Variants in SSBP2 observed in about 807,000 individuals in gnomAD.
SSBP2 encodes the protein single-stranded DNA-binding protein 2.
In SSBP2, 17 loss-of-function variants were observed where a neutral mutation model predicts 61.8. That is an observed-to-expected ratio of 0.28 (90% CI 0.19 to 0.41). The LOEUF (loss-of-function observed/expected upper bound fraction) is 0.41, where lower values mean the gene tolerates loss of function less well. SSBP2 is among the 10% of genes least tolerant of loss of function. The pLI is 1.00. For synonymous variants in SSBP2, 139 were observed against 141.3 expected (o/e 0.98, Z 0.12); for missense variants, 310 against 458.7 (o/e 0.68, Z 2.96).
chr5:81,552,197 T>G (rs1469952257), intron 4 of SSBP2, among the ~76,000 whole-genome samples: 3 of 152,224 alleles, frequency 2.0e-5, no homozygotes, highest in Admixed American at 2.0e-4. Flanking sequence ...CCTAAAAGTA[T>G]GTTTAATGCT....
chr5:81,594,490 A>G (rs2153531370), intron 4 of SSBP2, among the ~76,000 whole-genome samples: 1 of 152,296 alleles, frequency 6.6e-6, no homozygotes, highest in African/African-American at 2.4e-5. Flanking sequence ...CACCAAGCGG[A>G]CCTAACAGAC....
intron 4 of SSBP2, among the ~76,000 whole-genome samples, chr5:81,529,905 T>C (rs935716239): frequency 6.6e-6 from 1 of 152,028 alleles, no homozygotes; most frequent in Admixed American, 6.6e-5. Flanking sequence ...AATAACATGA[T>C]GATAGTGATA....
At chr5:81,606,292 T>A (rs927672996) in intron 4 of SSBP2, among the ~76,000 whole-genome samples, 3 of 152,130 alleles carry the variant, frequency 2.0e-5, no homozygotes, top group Non-Finnish European at 4.4e-5. Context: ...TGATGAAAAC[T>A]ACGCAGTAAA....
rs571144831 is a variant in SSBP2 at position 81,590,728 on chromosome 5, T to G, written c.282+24745A>C. 1.2e-4 allele frequency among the ~76,000 whole-genome samples: 19 copies of G among 152,314 alleles called. 1 individual carries two copies. In the South Asian group the frequency reaches 3.9e-3, roughly 32 times the overall value. ...CTTTGAGAAAAGTACAAAGCTCTGTTGGGTCCCCTCTCCCCTGAGAAGCAA... is the reference window on the plus strand; with the variant it reads ...CTTTGAGAAAAGTACAAAGCTCTGTGGGGTCCCCTCTCCCCTGAGAAGCAA... On this transcript the variant is annotated intron_variant, in intron 4 of 16. Coordinates refer to ENST00000320672, the MANE Select transcript of SSBP2 (RefSeq NM_012446.5).
At chr5:81,693,047 A>G (rs1753326494) in intron 1 of SSBP2, among the ~76,000 whole-genome samples, 2 of 151,972 alleles carry the variant, frequency 1.3e-5, no homozygotes, top group Non-Finnish European at 2.9e-5. Flanking sequence ...CTACTAAAAT[A>G]CAAAAAAATT....
At chr5:81,592,374 C>T (rs1775589773) in intron 4 of SSBP2, among the ~76,000 whole-genome samples, 1 of 152,200 alleles carries the variant, frequency 6.6e-6, no homozygotes, top group Non-Finnish European at 1.5e-5. Context: ...CACCACAGCT[C>T]AAGGAGGCCT....
chr5:81,581,518 T>C (rs1202356894), intron 4 of SSBP2, among the ~76,000 whole-genome samples: 2 of 152,228 alleles, frequency 1.3e-5, no homozygotes, highest in African/African-American at 4.8e-5. Flanking sequence ...TTTCAACCTT[T>C]TAAAAACAGT....
At chr5:81,615,046 G>A (rs2153603045) in intron 4 of SSBP2, 1 of 155,778 alleles carries the variant, frequency 6.4e-6, no homozygotes, top group African/African-American at 2.4e-5. Context: ...TTAGCCTTAT[G>A]ATATATAACC....
intron 16 of SSBP2, among the ~76,000 whole-genome samples, chr5:81,423,884 T>G (rs955614026): frequency 1.3e-5 from 2 of 152,254 alleles, no homozygotes; most frequent in Non-Finnish European, 2.9e-5. Flanking sequence ...GCATATACTC[T>G]ATTATCAACC....
intron 4 of SSBP2, among the ~76,000 whole-genome samples, chr5:81,527,876 G>A (rs145372238): frequency 1.8e-4 from 26 of 147,196 alleles, no homozygotes; most frequent in African/African-American, 4.1e-4. Context: ...CGCGTTCTAC[G>A]TATGTATCCC....
chr5:81,497,070 T>G (rs1337321189), intron 5 of SSBP2, among the ~76,000 whole-genome samples: 1 of 152,238 alleles, frequency 6.6e-6, no homozygotes, highest in East Asian at 1.9e-4. Context: ...AATTAGCATG[T>G]GCTCTTGATT....
At chr5:81,495,824 A>G (rs1166825136) in intron 5 of SSBP2, among the ~76,000 whole-genome samples, 1 of 152,152 alleles carries the variant, frequency 6.6e-6, no homozygotes, top group East Asian at 1.9e-4. Context: ...TGGCTTTAAA[A>G]GTTCTTTAAA....
chr5:81,431,468 T>TAC (rs899591190), intron 15 of SSBP2, among the ~76,000 whole-genome samples: 23 of 152,038 alleles, frequency 1.5e-4, no homozygotes, highest in Admixed American at 5.2e-4. Flanking sequence ...CATATATATA[T>TAC]ACACACACAC....
At chr5:81,716,775 T>C (rs1403918130) in intron 1 of SSBP2, among the ~76,000 whole-genome samples, 1 of 152,194 alleles carries the variant, frequency 6.6e-6, no homozygotes, top group Non-Finnish European at 1.5e-5. Flanking sequence ...AATGCCTTAT[T>C]GTAAGTACAC....
At chr5:81,554,484 G>C (rs1037153887) in intron 4 of SSBP2, among the ~76,000 whole-genome samples, 22 of 150,146 alleles carry the variant, frequency 1.5e-4, no homozygotes, top group Admixed American at 6.6e-5. Context: ...TAACACAAAG[G>C]CTCAAATTTT....
At chr5:81,734,970 C>CAAAAAA (rs11350574) in intron 1 of SSBP2, among the ~76,000 whole-genome samples, 15 of 70,488 alleles carry the variant, frequency 2.1e-4, no homozygotes, top group South Asian at 5.1e-4. Flanking sequence ...GACTCCATCT[C>CAAAAAA]AAAAAAAAAA....
At chr5:81,486,712 C>T (rs1348615479) in intron 6 of SSBP2, among the ~76,000 whole-genome samples, 2 of 152,084 alleles carry the variant, frequency 1.3e-5, no homozygotes, top group African/African-American at 2.4e-5. Flanking sequence ...ATAAAATTCC[C>T]GTATGTTGTA....
chr5:81,622,839 A>G (rs1746738766), intron 3 of SSBP2, among the ~76,000 whole-genome samples: 1 of 152,232 alleles, frequency 6.6e-6, no homozygotes, highest in South Asian at 2.1e-4. Flanking sequence ...AGTTAAGTTC[A>G]TAATTAATTC....
intron 8 of SSBP2, among the ~76,000 whole-genome samples, chr5:81,470,140 A>AT (rs1483003918): frequency 6.6e-6 from 1 of 151,910 alleles, no homozygotes; most frequent in Non-Finnish European, 1.5e-5. Flanking sequence ...TTTGGAAATC[A>AT]TAAGTTTCTA....
Sources: gnomAD v4.1 joint callset for allele counts (sites outside exome capture counted in the v4.1 genomes callset) on GRCh38, gnomAD v4.1.1 for gene constraint, MANE v1.5 for transcripts, NCBI Gene and HGNC (gene_info 2026-07-23, HGNC 2026-07-21) for gene names.